SOX6: variants seen among roughly 807,000 people sequenced by gnomAD.
SOX6 encodes transcription factor SOX-6.
SOX6 carries 11 observed loss-of-function variants against 97.8 expected under a neutral mutation model. That is an observed-to-expected ratio of 0.11 (90% CI 0.07 to 0.19). The LOEUF is 0.19. Among genes scored for constraint, SOX6 ranks in the 10% least tolerant of loss-of-function variants. SOX6 has a pLI of 1.00. For synonymous variants in SOX6, 360 were observed against 371.4 expected (o/e 0.97, Z 0.35); for missense variants, 810 against 1,039.5 (o/e 0.78, Z 3.04).
intron 3 of SOX6, among the ~76,000 whole-genome samples, chr11:16,250,190 A>C (rs1590063629): frequency 6.6e-6 from 1 of 152,144 alleles, no homozygotes; most frequent in African/African-American, 2.4e-5. Flanking sequence ...CTTATTGTGA[A>C]TGGTACATGC....
At chr11:16,683,232 T>C (rs1847942429) in intron 3 of SOX6, among the ~76,000 whole-genome samples, 2 of 152,188 alleles carry the variant, frequency 1.3e-5, no homozygotes, top group Non-Finnish European at 1.5e-5. Context: ...TGGAAAAAAC[T>C]ATTTTAACAT....
chr11:16,177,658 T>G (rs936834010), intron 6 of SOX6, among the ~76,000 whole-genome samples: 3 of 146,298 alleles, frequency 2.1e-5, no homozygotes, highest in African/African-American at 7.7e-5. Flanking sequence ...TCATTCTCTC[T>G]CTCTCTCTCT....
chr11:16,674,866 G>A (rs1302766541), intron 3 of SOX6, among the ~76,000 whole-genome samples: 6 of 152,162 alleles, frequency 3.9e-5, no homozygotes, highest in African/African-American at 1.2e-4. Context: ...CAGGAGAACT[G>A]CTTGAACCTA....
chr11:16,617,701 G>A (rs893743792), intron 3 of SOX6, among the ~76,000 whole-genome samples: 1 of 151,804 alleles, frequency 6.6e-6, no homozygotes, highest in Non-Finnish European at 1.5e-5. Context: ...TAGAAATAGA[G>A]TACGAGCCTT....
chr11:16,390,770 GGAA>G lies in SOX6; in HGVS notation c.-4-49521_-4-49519del, dbSNP rs376272717. Among the ~76,000 whole-genome samples the G allele has an allele frequency of 7.5e-3, 1,148 of 152,254 alleles. 9 individuals carry two copies. Among genetic ancestry groups the G allele is most frequent in the African/African-American group, 0.027 (1,113 of 41,528 alleles). On this transcript the variant is annotated intron_variant, in intron 1 of 15. Transcript: ENST00000396356. ...GAGTGTAAATTAGTTCAACCATTGT[GGAA>G]GAAAATGTGGCGATGCCTCAAGGAT...
intron 6 of SOX6, among the ~76,000 whole-genome samples, chr11:16,162,303 T>C (rs961204201): frequency 3.9e-5 from 6 of 152,356 alleles, no homozygotes; most frequent in African/African-American, 1.4e-4. Flanking sequence ...AAACCAACTC[T>C]GTCAGTAACT....
At chr11:16,498,542 G>C (rs572399881) in intron 4 of SOX6, among the ~76,000 whole-genome samples, 16 of 152,174 alleles carry the variant, frequency 1.1e-4, no homozygotes, top group African/African-American at 1.9e-4. Flanking sequence ...AGACCCATCA[G>C]TGTGCTGTAT....
chr11:16,148,081 T>C (rs1415126619), intron 6 of SOX6, among the ~76,000 whole-genome samples: 2 of 152,178 alleles, frequency 1.3e-5, no homozygotes, highest in East Asian at 1.9e-4. Flanking sequence ...TGAAATGTAG[T>C]TGTGTACCAT....
At chr11:16,420,317 T>C (rs1858998372) in intron 1 of SOX6, among the ~76,000 whole-genome samples, 4 of 152,196 alleles carry the variant, frequency 2.6e-5, no homozygotes, top group Admixed American at 2.6e-4. Context: ...CATGAGTATT[T>C]GAGATGAATA....
chr11:16,641,357 G>A (rs1848910723), intron 3 of SOX6, among the ~76,000 whole-genome samples: 1 of 152,164 alleles, frequency 6.6e-6, no homozygotes, highest in Non-Finnish European at 1.5e-5. Context: ...AATAAGTGCG[G>A]TGTGGTGCTG....
intron 1 of SOX6, among the ~76,000 whole-genome samples, chr11:16,437,348 C>T (rs935091393): frequency 1.3e-5 from 2 of 151,870 alleles, no homozygotes; most frequent in East Asian, 1.9e-4. Context: ...CTTATTCTAT[C>T]CAGTATTACA....
chr11:16,606,244 C>A (rs1456301877), intron 4 of SOX6, among the ~76,000 whole-genome samples: 1 of 142,928 alleles, frequency 7.0e-6, no homozygotes, highest in East Asian at 2.1e-4. Context: ...TTTTTTTTTC[C>A]TTTATATCTT....
At chr11:16,521,475 A>G (rs1162633010) in intron 4 of SOX6, among the ~76,000 whole-genome samples, 4 of 152,202 alleles carry the variant, frequency 2.6e-5, no homozygotes, top group Non-Finnish European at 4.4e-5. Flanking sequence ...CCAAAAACCC[A>G]TCTGTACATC....
intron 1 of SOX6, among the ~76,000 whole-genome samples, chr11:16,410,026 A>T (rs1453019893): frequency 6.6e-6 from 1 of 152,080 alleles, no homozygotes; most frequent in East Asian, 1.9e-4. Context: ...GGGGAGGAAT[A>T]GGGAGATGTT....
intron 2 of SOX6, among the ~76,000 whole-genome samples, chr11:16,332,273 T>C (rs1856328728): frequency 6.6e-6 from 1 of 152,092 alleles, no homozygotes; most frequent in Non-Finnish European, 1.5e-5. Flanking sequence ...ACTCAGTGCT[T>C]ATGCAAAAAA....
intron 3 of SOX6, among the ~76,000 whole-genome samples, chr11:16,612,453 G>A (rs1041355450): frequency 6.6e-6 from 1 of 152,018 alleles, no homozygotes; most frequent in African/African-American, 2.4e-5. Flanking sequence ...CTGAGTCTGT[G>A]GATAAACTCA....
rs191776907 is a variant in SOX6 at position 16,263,109 on chromosome 11, A to T, written c.446-28438T>A. Among the ~76,000 whole-genome samples, 1,354 of 152,058 alleles carry T rather than the reference A, an allele frequency of 8.9e-3. 10 individuals are homozygous for T. The highest frequency in any genetic ancestry group is 0.027 in the Middle Eastern group (8 of 294). On this transcript the variant is annotated intron_variant, in intron 3 of 15. Coordinates refer to ENST00000683767, the MANE Select transcript of SOX6 (RefSeq NM_001367873.1). Reference sequence around the variant, plus strand: ...AGGTAAAGTAAGCATTCTGATAATTAGGGAGTTTATGTCAAGTGGCTTTTA... The same window carrying T: ...AGGTAAAGTAAGCATTCTGATAATTTGGGAGTTTATGTCAAGTGGCTTTTA...
chr11:16,539,708 C>G (rs992808528), intron 4 of SOX6, among the ~76,000 whole-genome samples: 1 of 152,150 alleles, frequency 6.6e-6, no homozygotes, highest in Admixed American at 6.5e-5. Flanking sequence ...TGCAAATAAA[C>G]TAGAAAATTT....
At chr11:16,216,925 TCA>T (rs1312888844) in intron 4 of SOX6, among the ~76,000 whole-genome samples, 3 of 152,144 alleles carry the variant, frequency 2.0e-5, no homozygotes, top group African/African-American at 7.2e-5. Flanking sequence ...GCTGAGAAAT[TCA>T]CAGTCAACTG....
Sources: gnomAD v4.1 joint callset for allele counts (sites outside exome capture counted in the v4.1 genomes callset) on GRCh38, gnomAD v4.1.1 for gene constraint, MANE v1.5 for transcripts, NCBI Gene and HGNC (gene_info 2026-07-23, HGNC 2026-07-21) for gene names.